ASPRV1: variants seen among roughly 807,000 people sequenced by gnomAD.
ASPRV1 encodes the protein aspartic peptidase retroviral like 1, also known as retroviral-like aspartic protease 1.
Under a neutral mutation model 11.0 loss-of-function variants are expected in ASPRV1, and 7 were observed. The ratio of observed to expected loss-of-function variants is 0.64; its 90% CI spans 0.36 to 1.20. The LOEUF (loss-of-function observed/expected upper bound fraction) is 1.20, where lower values mean the gene tolerates loss of function less well. Ranked by LOEUF, ASPRV1 falls within the 50% of genes most tolerant of loss-of-function variation. ASPRV1 has a pLI of 0.02. For synonymous variants in ASPRV1, 136 were observed against 138.4 expected (o/e 0.98, Z 0.12); for missense variants, 299 against 320.0 (o/e 0.93, Z 0.50).
chr2:70,032,878 T>G, the ASPRV1 span, among the ~76,000 whole-genome samples: 1 of 152,252 alleles, frequency 6.6e-6, no homozygotes, highest in South Asian at 2.1e-4. Context: ...TTGGGAAGTT[T>G]GCTGTCCCCC....
chr2:70,034,177 A>G, the ASPRV1 span, among the ~76,000 whole-genome samples: 1 of 143,720 alleles, frequency 7.0e-6, no homozygotes, highest in Non-Finnish European at 1.5e-5. Context: ...AAAAAAAAAA[A>G]GGAAAGCAAT....
At chr2:69,949,180 C>T in the ASPRV1 span, among the ~76,000 whole-genome samples, 1 of 152,098 alleles carries the variant, frequency 6.6e-6, no homozygotes, top group Non-Finnish European at 1.5e-5. Context: ...CCCTGCAGGC[C>T]CCCTGCGGCT....
At chr2:70,013,776 G>A in the ASPRV1 span, among the ~76,000 whole-genome samples, 1 of 152,172 alleles carries the variant, frequency 6.6e-6, no homozygotes, top group East Asian at 1.9e-4. Context: ...AGCTACTCAG[G>A]AGGCTGAGGC....
the ASPRV1 span, among the ~76,000 whole-genome samples, chr2:70,063,656 G>A: frequency 6.6e-6 from 1 of 152,122 alleles, no homozygotes; most frequent in Non-Finnish European, 1.5e-5. Context: ...AATTTAGGTG[G>A]GGGAAAAGTT....
downstream of ASPRV1, among the ~76,000 whole-genome samples, chr2:69,958,205 G>A (rs546584805): frequency 2.0e-5 from 3 of 152,276 alleles, no homozygotes; most frequent in East Asian, 5.8e-4. Flanking sequence ...ACTCTCACCC[G>A]CATGCAGCAG....
chr2:70,016,988 T>C, the ASPRV1 span, among the ~76,000 whole-genome samples: 1 of 152,156 alleles, frequency 6.6e-6, no homozygotes, highest in Non-Finnish European at 1.5e-5. Flanking sequence ...AAAAGCCCTA[T>C]GATCATCTCA....
the ASPRV1 span, among the ~76,000 whole-genome samples, chr2:70,006,578 G>A: frequency 6.6e-6 from 1 of 152,100 alleles, no homozygotes; most frequent in Non-Finnish European, 1.5e-5. Flanking sequence ...AGACTCATGG[G>A]AGCCCAGTCC....
At chr2:69,959,154 C>T (rs1350602938), downstream of ASPRV1, among the ~76,000 whole-genome samples, 2 of 152,164 alleles carry the variant, frequency 1.3e-5, no homozygotes, top group Non-Finnish European at 2.9e-5. Flanking sequence ...CAGGAGCTGT[C>T]CAGGTGGGAA....
chr2:70,031,475 A>T, the ASPRV1 span: 2 of 152,124 alleles, frequency 1.3e-5, no homozygotes, highest in Non-Finnish European at 2.9e-5. Flanking sequence ...AGGCGGGCGG[A>T]TCATGAGGTC....
chr2:69,981,337 CG>C, the ASPRV1 span, among the ~76,000 whole-genome samples: 1 of 151,990 alleles, frequency 6.6e-6, no homozygotes, highest in Admixed American at 6.6e-5. Flanking sequence ...TATTTATTGA[CG>C]TGGAAAATGC....
At chr2:69,953,403 A>G in the ASPRV1 span, among the ~76,000 whole-genome samples, 1 of 152,222 alleles carries the variant, frequency 6.6e-6, no homozygotes, top group African/African-American at 2.4e-5. Context: ...GCGTCCCTAG[A>G]GAGGGAGGAC....
chr2:70,011,210 CCT>C, the ASPRV1 span, among the ~76,000 whole-genome samples: 1 of 152,090 alleles, frequency 6.6e-6, no homozygotes, highest in South Asian at 2.1e-4. Context: ...ACAACAAACC[CCT>C]GTGACACGAG....
chr2:70,045,424 G>A, the ASPRV1 span: 1 of 152,178 alleles, frequency 6.6e-6, no homozygotes, highest in African/African-American at 2.4e-5. Flanking sequence ...AGGGACACAA[G>A]TTTCTGTTAT....
upstream of ASPRV1, chr2:69,964,321 T>A (rs747865159): frequency 4.8e-5 from 22 of 455,252 alleles, no homozygotes; most frequent in Non-Finnish European, 8.8e-5. Context: ...TCCATACAGT[T>A]CCCTCTGGGA....
the ASPRV1 span, among the ~76,000 whole-genome samples, chr2:69,994,721 G>T: frequency 6.6e-6 from 1 of 152,284 alleles, no homozygotes; most frequent in Non-Finnish European, 1.5e-5. Flanking sequence ...GAATAGGACA[G>T]GTGCAGTGGC....
At chr2:69,958,393 T>C (rs1440695646), downstream of ASPRV1, among the ~76,000 whole-genome samples, 1 of 152,108 alleles carries the variant, frequency 6.6e-6, no homozygotes, top group Non-Finnish European at 1.5e-5. Flanking sequence ...AGACAGGCTC[T>C]CCTCACTCAG....
chr2:69,945,175 G>C, the ASPRV1 span, among the ~76,000 whole-genome samples: 1 of 152,128 alleles, frequency 6.6e-6, no homozygotes, highest in Non-Finnish European at 1.5e-5. Context: ...GGAGGTCGAA[G>C]CTTCTTTGAG....
At chr2:69,946,319 G>A in the ASPRV1 span, among the ~76,000 whole-genome samples, 1 of 152,142 alleles carries the variant, frequency 6.6e-6, no homozygotes, top group Admixed American at 6.5e-5. Flanking sequence ...GGTCCTGGGT[G>A]ATGGTCACGT....
chr2:69,961,738 G>A (rs1184280442), upstream of ASPRV1: 6 of 1,508,856 alleles, frequency 4.0e-6, no homozygotes, highest in Non-Finnish European at 5.3e-6. Context: ...CCTCCTGCCA[G>A]CATCCGGCCG....
Sources: allele counts gnomAD v4.1 joint callset (sites outside exome capture counted in the v4.1 genomes callset), GRCh38; gene constraint gnomAD v4.1.1; transcripts MANE v1.5; gene names NCBI Gene and HGNC (gene_info 2026-07-23, HGNC 2026-07-21).